CSMD1: variants seen among roughly 807,000 people sequenced by gnomAD.
The protein encoded by CSMD1 is CUB and Sushi multiple domains 1.
In CSMD1, 213 loss-of-function variants were observed where a neutral mutation model predicts 417.5. The observed-to-expected ratio is 0.51, with a 90% CI of 0.46 to 0.57. The LOEUF is 0.57. Ranked by LOEUF, CSMD1 falls within the 20% of genes least tolerant of loss-of-function variation. CSMD1 has a pLI of 0.00. For missense variants in CSMD1, 6,923 were observed against 4,529.7 expected (o/e 1.53, Z -15.17); for synonymous variants, 2,862 against 1,736.8 (o/e 1.65, Z -16.11).
intron 3 of CSMD1, among the ~76,000 whole-genome samples, chr8:4,305,262 C>G (rs759108922): frequency 6.6e-6 from 1 of 152,188 alleles, no homozygotes; most frequent in African/African-American, 2.4e-5. Context: ...TCGGCCATTT[C>G]CAATGCCTGG....
At chr8:4,634,837 T>C (rs1376954682) in intron 2 of CSMD1, among the ~76,000 whole-genome samples, 1 of 152,138 alleles carries the variant, frequency 6.6e-6, no homozygotes, top group African/African-American at 2.4e-5. Context: ...CCCATTCCAA[T>C]TTCACATCTC....
intron 2 of CSMD1, among the ~76,000 whole-genome samples, chr8:4,631,847 C>G (rs372265536): frequency 7.5e-4 from 114 of 152,196 alleles, no homozygotes; most frequent in African/African-American, 2.3e-3. Context: ...AGATAAATGC[C>G]AAAGCTATTT....
chr8:4,508,875 G>C (rs1330282644), intron 2 of CSMD1, among the ~76,000 whole-genome samples: 1 of 152,016 alleles, frequency 6.6e-6, no homozygotes, highest in Non-Finnish European at 1.5e-5. Context: ...GCTTTTAGTA[G>C]CATTTCTTCC....
At chr8:4,804,537 G>C (rs572879441) in intron 1 of CSMD1, among the ~76,000 whole-genome samples, 2 of 151,458 alleles carry the variant, frequency 1.3e-5, no homozygotes, top group Admixed American at 6.6e-5. Context: ...GTGAGAGAGA[G>C]AGAGAGGGAG....
intron 5 of CSMD1, among the ~76,000 whole-genome samples, chr8:3,941,443 T>C (rs901366992): frequency 3.9e-5 from 6 of 152,152 alleles, no homozygotes; most frequent in African/African-American, 1.4e-4. Context: ...TAAAATTTGA[T>C]TGATTCCTGA....
intron 23 of CSMD1, among the ~76,000 whole-genome samples, chr8:3,338,811 CT>C (rs574071856): frequency 0.25 from 34,771 of 140,934 alleles, 4,352 homozygotes; most frequent in African/African-American, 0.31. Flanking sequence ...TCCAGCCTTT[CT>C]TTTTTTTTTT....
chr8:4,845,693 G>A (rs1801101246), intron 1 of CSMD1, among the ~76,000 whole-genome samples: 2 of 152,222 alleles, frequency 1.3e-5, no homozygotes, highest in South Asian at 4.1e-4. Context: ...ACAAGGTCTA[G>A]GAGACAATGG....
chr8:4,951,084 G>C (rs1053578432), intron 1 of CSMD1, among the ~76,000 whole-genome samples: 16 of 152,092 alleles, frequency 1.1e-4, no homozygotes, highest in African/African-American at 3.9e-4. Context: ...TGAAGAATGA[G>C]ATTTAGACAA....
chr8:3,263,165 C>G lies in CSMD1; in HGVS notation c.4153+20979G>C, dbSNP rs530291174. On this transcript the variant is annotated intron_variant, in intron 26 of 69. Coordinates refer to ENST00000635120, the MANE Select transcript of CSMD1 (RefSeq NM_033225.6). ...CCAGGCTGGAGTGCAGTGGCATGAT[C>G]GCAGCTCACTGCAACCCCTGCCTCC... 4.3e-3 allele frequency among the ~76,000 whole-genome samples: 653 copies of G among 152,224 alleles called. 3 individuals carry two copies. Among genetic ancestry groups the G allele is most frequent in the African/African-American group, 0.014 (593 of 41,534 alleles).
chr8:4,042,344 T>A (rs919227332), intron 3 of CSMD1, among the ~76,000 whole-genome samples: 5 of 152,254 alleles, frequency 3.3e-5, no homozygotes, highest in South Asian at 2.1e-4. Context: ...GGCCAGGTGA[T>A]GCCTCTTCAG....
intron 3 of CSMD1, among the ~76,000 whole-genome samples, chr8:4,391,444 A>G (rs1444478172): frequency 6.6e-6 from 1 of 152,130 alleles, no homozygotes; most frequent in African/African-American, 2.4e-5. Flanking sequence ...AGGAACATAA[A>G]CAGCTAATTA....
intron 41 of CSMD1, among the ~76,000 whole-genome samples, chr8:3,133,927 C>G (rs1177978413): frequency 6.6e-6 from 1 of 152,184 alleles, no homozygotes; most frequent in Non-Finnish European, 1.5e-5. Flanking sequence ...GTAATCTCAG[C>G]ACTCTGGGAG....
rs554601438 is a variant in CSMD1 at position 2,997,013 on chromosome 8, T to A, written c.8377+998A>T. 4.6e-5 allele frequency among the ~76,000 whole-genome samples: 7 copies of A among 152,284 alleles called. No homozygotes were observed. The East Asian group carries it at 1.4e-3, about 29-fold the overall frequency. ...CCCTGGGCTTCTTAAGCTGGGGTGG[T>A]TCCCTCCTCTGGTCAGGGGCTGGGG... On this transcript the variant is annotated intron_variant, in intron 54 of 69. Coordinates refer to ENST00000635120, the MANE Select transcript of CSMD1 (RefSeq NM_033225.6).
At position 4,855,694 on chromosome 8, in the gene CSMD1, C is replaced by T. The variant is rs533990830; in HGVS notation, c.85+138638G>A. On this transcript the variant is annotated intron_variant, in intron 1 of 69. Transcript: ENST00000635120. ...GGAAGATGAAATGAATGAAATGAAG[C>T]GAGAAGGGAAGTCTAGAGAAAAAAG... 8.2e-4 allele frequency among the ~76,000 whole-genome samples: 124 copies of T among 151,766 alleles called. 1 individual carries two copies. In the South Asian group the frequency reaches 0.011, roughly 14 times the overall value.
intron 3 of CSMD1, among the ~76,000 whole-genome samples, chr8:4,272,271 G>C (rs1162948050): frequency 1.3e-5 from 2 of 152,138 alleles, no homozygotes; most frequent in Non-Finnish European, 2.9e-5. Flanking sequence ...GGGACTTTAA[G>C]AAAACTTATA....
chr8:4,068,479 A>T (rs1799374911), intron 3 of CSMD1, among the ~76,000 whole-genome samples: 1 of 152,242 alleles, frequency 6.6e-6, no homozygotes, highest in Non-Finnish European at 1.5e-5. Context: ...ACACCATAAC[A>T]CATAGCATCA....
intron 5 of CSMD1, among the ~76,000 whole-genome samples, chr8:3,878,700 A>T (rs1320685237): frequency 6.6e-6 from 1 of 152,300 alleles, no homozygotes; most frequent in African/African-American, 2.4e-5. Context: ...AGTATGTCTG[A>T]TGCTTCAGTG....
intron 7 of CSMD1, among the ~76,000 whole-genome samples, chr8:3,667,234 T>C (rs887220308): frequency 2.0e-5 from 3 of 152,172 alleles, no homozygotes; most frequent in Non-Finnish European, 4.4e-5. Flanking sequence ...TCATAGTCCC[T>C]ACATTATATT....
In CSMD1 at chr8:3,023,085, G is replaced by A. The variant is rs978521263; in HGVS notation, c.7856-4435C>T. The stretch of plus-strand genomic sequence containing the variant: ...CCAATGTCCACTCCAGCAATGGAAC[G>A]AAATGACAATGACTACGCTGTGGTT... On this transcript the variant is annotated intron_variant, in intron 51 of 69. Coordinates refer to ENST00000635120, the MANE Select transcript of CSMD1 (RefSeq NM_033225.6). 8.5e-5 allele frequency among the ~76,000 whole-genome samples: 13 copies of A among 152,182 alleles called. No individual in the cohort carries two copies. In the South Asian group the frequency reaches 2.1e-3, roughly 24 times the overall value.
Sources: allele counts gnomAD v4.1 joint callset (sites outside exome capture counted in the v4.1 genomes callset), GRCh38; gene constraint gnomAD v4.1.1; transcripts MANE v1.5; gene names NCBI Gene and HGNC (gene_info 2026-07-23, HGNC 2026-07-21).